The following RAB5C variants were observed in gnomAD, a reference collection of about 807,000 sequenced individuals.
RAB5C encodes RAB5C, member RAS oncogene family.
Under a neutral mutation model 25.2 loss-of-function variants are expected in RAB5C, and 4 were observed. The ratio of observed to expected loss-of-function variants is 0.16; its 90% confidence interval spans 0.08 to 0.36. The LOEUF (loss-of-function observed/expected upper bound fraction) is 0.36, where lower values mean the gene tolerates loss of function less well. RAB5C is among the 10% of genes least tolerant of loss of function. The pLI is 1.00. For synonymous variants in RAB5C, 100 were observed against 106.4 expected (o/e 0.94, Z 0.37); for missense variants, 199 against 283.8 (o/e 0.70, Z 2.15).
At chr17:42,134,969 T>TTC in intron 1 of RAB5C, among the ~76,000 whole-genome samples, 1 of 44 alleles carries the variant, frequency 0.023, no homozygotes, top group South Asian at 0.25. Context: ...CAAATTCTTT[T>TTC]TTTTTCTTAA....
intron 4 of RAB5C, among the ~76,000 whole-genome samples, chr17:42,127,731 A>G (rs977355603): frequency 6.6e-6 from 1 of 150,442 alleles, no homozygotes; most frequent in Non-Finnish European, 1.5e-5. Context: ...GTTTCGCCAC[A>G]TTGCCCATGC....
intron 4 of RAB5C, among the ~76,000 whole-genome samples, chr17:42,127,132 A>G (rs1372809074): frequency 1.3e-5 from 2 of 152,230 alleles, no homozygotes; most frequent in African/African-American, 4.8e-5. Context: ...TACTTCTAGA[A>G]AGTTAACCTA....
At chr17:42,154,057 C>A (rs11870005) in intron 1 of RAB5C, among the ~76,000 whole-genome samples, 7,015 of 152,232 alleles carry the variant, frequency 0.046, 173 homozygotes, top group Non-Finnish European at 0.057. Context: ...ACACGGACAG[C>A]AGTCCCAAGA....
chr17:42,142,509 C>T (rs879917395), intron 1 of RAB5C, among the ~76,000 whole-genome samples: 2 of 152,164 alleles, frequency 1.3e-5, no homozygotes, highest in Non-Finnish European at 2.9e-5. Flanking sequence ...TGGAAACTGG[C>T]GTCATTCATC....
chr17:42,148,590 C>G (rs1361771336), intron 1 of RAB5C, among the ~76,000 whole-genome samples: 1 of 152,068 alleles, frequency 6.6e-6, no homozygotes, highest in Non-Finnish European at 1.5e-5. Context: ...GCTCACCCAC[C>G]AGAGAATGAG....
chr17:42,125,684 C>G lies in RAB5C; in HGVS notation c.*99G>C, dbSNP rs782227417. The stretch of plus-strand genomic sequence containing the variant: ...ATGGTGGACCCCTCCCCCTGCCCCC[C>G]CAGTGGTGGCCCGAGTCGTTAAGTG... On this transcript the variant is annotated 3_prime_UTR_variant, in exon 6 of 6. Coordinates refer to ENST00000346213, the MANE Select transcript of RAB5C (RefSeq NM_004583.4). 1.8e-5 allele frequency: 14 copies of G among 790,872 alleles called. No individual in the cohort carries two copies. The highest frequency in any genetic ancestry group is 2.7e-5 in the Non-Finnish European group (13 of 488,128). The allele number at this position is 790,872 out of a possible 1,614,324, so 49.0% of individuals were successfully genotyped here. A position where few individuals can be genotyped will look rare whatever the true frequency, so the allele number is the denominator to read the frequency against.
At chr17:42,153,384 T>C (rs2144106523) in intron 1 of RAB5C, among the ~76,000 whole-genome samples, 1 of 152,178 alleles carries the variant, frequency 6.6e-6, no homozygotes, top group African/African-American at 2.4e-5. Context: ...GCCACTGCAC[T>C]CCAGCCTGGG....
chr17:42,151,097 T>C (rs1243294984), intron 1 of RAB5C, among the ~76,000 whole-genome samples: 3 of 152,158 alleles, frequency 2.0e-5, no homozygotes, highest in Admixed American at 2.0e-4. Flanking sequence ...GAAGTTCTAG[T>C]GCCTTCCACC....
intron 1 of RAB5C, among the ~76,000 whole-genome samples, chr17:42,142,534 G>A (rs941090339): frequency 2.6e-5 from 4 of 152,208 alleles, no homozygotes; most frequent in Non-Finnish European, 5.9e-5. Flanking sequence ...CGCTGTCTGA[G>A]CAGCTCAGAG....
chr17:42,150,989 A>G (rs1179303050), intron 1 of RAB5C, among the ~76,000 whole-genome samples: 1 of 152,192 alleles, frequency 6.6e-6, no homozygotes, highest in African/African-American at 2.4e-5. Context: ...CCATTTTACC[A>G]GAAGAAACAC....
intron 1 of RAB5C, 163 bp downstream of exon 1, chr17:42,154,729 TC>T: frequency 6.6e-6 from 1 of 152,324 alleles, no homozygotes. Flanking sequence ...GGAAAGAAGC[TC>T]CCCACCTCCT....
chr17:42,147,533 C>T (rs527684701), intron 1 of RAB5C, among the ~76,000 whole-genome samples: 48 of 152,318 alleles, frequency 3.2e-4, no homozygotes, highest in African/African-American at 1.0e-3. Context: ...GTCAGGGCCG[C>T]GCCCTCATTG....
At position 42,147,522 on chromosome 17, in the gene RAB5C, A is replaced by C. The variant is rs2079645050; in HGVS notation, c.-89+7371T>G. On this transcript the variant is annotated intron_variant, in intron 1 of 5. Coordinates refer to ENST00000346213, the MANE Select transcript of RAB5C (RefSeq NM_004583.4). ...GAAGCCAGTCAGCCGGACTGTGGCT[A>C]GTCAGGGCCGCGCCCTCATTGTCCC... Among the ~76,000 whole-genome samples the C allele has an allele frequency of 2.6e-5, 4 of 152,224 alleles. No individual in the cohort carries two copies. The South Asian group carries it at 8.3e-4, about 31-fold the overall frequency.
chr17:42,149,595 T>G (rs936698078), intron 1 of RAB5C, among the ~76,000 whole-genome samples: 10 of 152,002 alleles, frequency 6.6e-5, no homozygotes, highest in Non-Finnish European at 1.3e-4. Context: ...AATAAATTAA[T>G]TAATTAATTA....
At chr17:42,127,268 C>T (rs982237413) in intron 4 of RAB5C, among the ~76,000 whole-genome samples, 1 of 152,160 alleles carries the variant, frequency 6.6e-6, no homozygotes. Context: ...GTATAGCACA[C>T]TGCCATCAAT....
At chr17:42,133,422 C>T (rs1254262045) in intron 1 of RAB5C, among the ~76,000 whole-genome samples, 1 of 152,198 alleles carries the variant, frequency 6.6e-6, no homozygotes, top group African/African-American at 2.4e-5. Context: ...TACCAAACCA[C>T]AGGGTTAGAG....
intron 1 of RAB5C, among the ~76,000 whole-genome samples, chr17:42,132,254 GT>G (rs746061606): frequency 6.6e-6 from 1 of 152,194 alleles, no homozygotes; most frequent in Non-Finnish European, 1.5e-5. Flanking sequence ...AGAAACAACA[GT>G]TTCCTTTCTG....
At chr17:42,137,593 TAA>T (rs2054549761) in intron 1 of RAB5C, among the ~76,000 whole-genome samples, 1 of 151,932 alleles carries the variant, frequency 6.6e-6, no homozygotes, top group African/African-American at 2.4e-5. Flanking sequence ...AAAATAATAT[TAA>T]AGACAATCAA....
At position 42,128,445 on chromosome 17, in the gene RAB5C, T is replaced by C. The variant is rs1031920675; in HGVS notation, c.319-62A>G. The C allele has an allele frequency of 1.3e-4, 205 of 1,545,182 alleles. 2 individuals carry two copies. Among genetic ancestry groups the C allele is most frequent in the Middle Eastern group, 8.6e-4 (5 of 5,810 alleles). ...AAGGCATTCTGCCCAGGGCCACCCA[T>C]TAGAGACTCTCAAGCTGGCACAGCC... On this transcript the variant is annotated intron_variant, in intron 3 of 5. Coordinates refer to ENST00000346213, the MANE Select transcript of RAB5C (RefSeq NM_004583.4).
Sources: gnomAD v4.1 joint callset for allele counts (sites outside exome capture counted in the v4.1 genomes callset) on GRCh38, gnomAD v4.1.1 for gene constraint, MANE v1.5 for transcripts, NCBI Gene and HGNC (gene_info 2026-07-23, HGNC 2026-07-21) for gene names.